Variants in SAMMSON observed in about 807,000 individuals in gnomAD.
SAMMSON encodes survival associated mitochondrial melanoma specific oncogenic non-coding RNA.
At chr3:70,016,801 A>G (rs1489713420) in intron 3 of SAMMSON, among the ~76,000 whole-genome samples, 2 of 152,188 alleles carry the variant, frequency 1.3e-5, no homozygotes, top group African/African-American at 4.8e-5. Context: ...AGCTTTCTAC[A>G]TATGGCTAGC....
At chr3:70,234,424 G>A (rs182021541) in intron 4 of SAMMSON, among the ~76,000 whole-genome samples, 5 of 152,126 alleles carry the variant, frequency 3.3e-5, no homozygotes, top group African/African-American at 1.2e-4. Flanking sequence ...TGAGGTAGGT[G>A]GATTTCTTGA....
In SAMMSON at chr3:70,330,142, C is replaced by T. The variant is rs190138939; in HGVS notation, n.740-24033C>T. Among the ~76,000 whole-genome samples, 194 of 151,924 alleles carry T rather than the reference C, an allele frequency of 1.3e-3. 1 individual carries two copies. The highest frequency in any genetic ancestry group is 5.3e-4 in the Non-Finnish European group (36 of 67,836). On this transcript the variant is annotated intron_variant and non_coding_transcript_variant, in intron 7 of 9. Coordinates refer to ENST00000642114, the Ensembl canonical transcript of SAMMSON. ...ATCTAGTTAAAATTAACTGATCACA[C>T]ACCTAATTCGGAAAAAATATATAAA...
chr3:70,002,278 A>G (rs1021404048), intron 1 of SAMMSON, among the ~76,000 whole-genome samples: 5 of 152,226 alleles, frequency 3.3e-5, no homozygotes, highest in African/African-American at 4.8e-5. Context: ...TAGATTTTTA[A>G]TAACATCAAA....
At chr3:70,115,590 C>G (rs1410246304) in intron 4 of SAMMSON, among the ~76,000 whole-genome samples, 1 of 152,018 alleles carries the variant, frequency 6.6e-6, no homozygotes, top group African/African-American at 2.4e-5. Flanking sequence ...TTTGTTTTGT[C>G]ATTAAAATCT....
intron 4 of SAMMSON, among the ~76,000 whole-genome samples, chr3:70,132,177 T>C (rs2067485421): frequency 1.3e-5 from 2 of 152,060 alleles, no homozygotes; most frequent in African/African-American, 2.4e-5. Flanking sequence ...TCCACTGATA[T>C]CAACCAACTG....
chr3:70,155,053 T>C (rs1420351559), intron 4 of SAMMSON, among the ~76,000 whole-genome samples: 1 of 151,892 alleles, frequency 6.6e-6, no homozygotes, highest in South Asian at 2.1e-4. Context: ...TGTTTAGTGG[T>C]CAGATAGTTC....
In SAMMSON at chr3:70,217,620, GA is replaced by G. The variant is rs369038777; in HGVS notation, n.508-31485del. 4.3e-3 allele frequency among the ~76,000 whole-genome samples: 649 copies of G among 152,260 alleles called. 5 individuals are homozygous for G. Among genetic ancestry groups the G allele is most frequent in the African/African-American group, 0.014 (599 of 41,558 alleles). On this transcript the variant is annotated intron_variant and non_coding_transcript_variant, in intron 4 of 9. Transcript: ENST00000642114. The stretch of plus-strand genomic sequence containing the variant: ...AAACAGTTTTTCACTGTAAGAGGTA[GA>G]AGGTGTTTTCATATCCACCACCTTT...
chr3:70,288,181 C>T (rs1307934297), intron 6 of SAMMSON, among the ~76,000 whole-genome samples: 1 of 142,140 alleles, frequency 7.0e-6, no homozygotes, highest in African/African-American at 2.7e-5. Flanking sequence ...TTCCTGCTTT[C>T]TCTTGTGGGC....
chr3:70,333,684 T>G (rs1458555395), intron 7 of SAMMSON, among the ~76,000 whole-genome samples: 1 of 152,214 alleles, frequency 6.6e-6, no homozygotes, highest in African/African-American at 2.4e-5. Context: ...AAATTTCTTC[T>G]CTATTTCTCC....
chr3:70,311,796 A>C, intron 7 of SAMMSON: 1 of 393,866 alleles, frequency 2.5e-6, no homozygotes, highest in Non-Finnish European at 4.5e-6. Flanking sequence ...AACGGTCAGG[A>C]CAATTTCCTC....
chr3:70,015,531 A>G (rs1387148813), intron 3 of SAMMSON, among the ~76,000 whole-genome samples: 1 of 152,030 alleles, frequency 6.6e-6, no homozygotes, highest in Non-Finnish European at 1.5e-5. Context: ...CATTGTTGAC[A>G]TTTCCTGTCA....
intron 7 of SAMMSON, among the ~76,000 whole-genome samples, chr3:70,348,478 CAGAG>C (rs150383912): frequency 4.0e-5 from 6 of 149,364 alleles, no homozygotes; most frequent in African/African-American, 1.5e-4. Flanking sequence ...CCTTACATGG[CAGAG>C]AGAGAGAGAG....
At chr3:70,285,959 C>T (rs1471877996) in intron 6 of SAMMSON, among the ~76,000 whole-genome samples, 1 of 150,940 alleles carries the variant, frequency 6.6e-6, no homozygotes, top group Non-Finnish European at 1.5e-5. Context: ...TGGATATTAG[C>T]CCTTTGTCAG....
chr3:70,016,904 C>T (rs371851888), intron 3 of SAMMSON, among the ~76,000 whole-genome samples: 19 of 151,950 alleles, frequency 1.3e-4, no homozygotes, highest in Non-Finnish European at 2.2e-4. Context: ...TGTAGATATG[C>T]GGCATTATTT....
At chr3:70,148,581 C>T (rs1208347294) in intron 4 of SAMMSON, among the ~76,000 whole-genome samples, 1 of 152,084 alleles carries the variant, frequency 6.6e-6, no homozygotes, top group African/African-American at 2.4e-5. Flanking sequence ...CCTCAGGCTG[C>T]TTCCACTCAT....
At chr3:70,156,383 T>A (rs889965329) in intron 4 of SAMMSON, among the ~76,000 whole-genome samples, 1 of 152,054 alleles carries the variant, frequency 6.6e-6, no homozygotes, top group Non-Finnish European at 1.5e-5. Context: ...TATTTGAAAG[T>A]CTCTCTTATC....
intron 2 of SAMMSON, among the ~76,000 whole-genome samples, chr3:70,407,907 G>T (rs1290011541): frequency 6.6e-6 from 1 of 152,230 alleles, no homozygotes; most frequent in Non-Finnish European, 1.5e-5. Flanking sequence ...TGCCCCTGCA[G>T]CAAACTTCTG....
intron 4 of SAMMSON, among the ~76,000 whole-genome samples, chr3:70,188,667 A>T (rs1183004711): frequency 6.6e-6 from 1 of 152,228 alleles, no homozygotes; most frequent in Non-Finnish European, 1.5e-5. Context: ...ATTATAGCTG[A>T]AATTTAGTGA....
intron 4 of SAMMSON, among the ~76,000 whole-genome samples, chr3:70,173,165 A>T (rs982459092): frequency 1.3e-5 from 2 of 151,942 alleles, no homozygotes; most frequent in African/African-American, 4.8e-5. Flanking sequence ...ACTGATAGAG[A>T]TATTATTACC....
Sources: gnomAD v4.1 joint callset for allele counts (sites outside exome capture counted in the v4.1 genomes callset) on GRCh38, gnomAD v4.1.1 for gene constraint, MANE v1.5 for transcripts, NCBI Gene and HGNC (gene_info 2026-07-23, HGNC 2026-07-21) for gene names.